NFIB: variants seen among roughly 807,000 people sequenced by gnomAD.
NFIB encodes nuclear factor I B.
NFIB carries 11 observed loss-of-function variants against 61.5 expected under a neutral mutation model. That is an observed-to-expected ratio of 0.18 (90% CI 0.11 to 0.30). NFIB has a LOEUF of 0.30. Among genes scored for constraint, NFIB ranks in the 10% least tolerant of loss-of-function variants. The pLI is 1.00. For missense variants in NFIB, 471 were observed against 608.9 expected, an observed-to-expected ratio of 0.77 and a Z score of 2.38; for synonymous variants, 260 against 216.5, an observed-to-expected ratio of 1.20 and a Z score of -1.76.
At chr9:14,245,141 C>G (rs1204649340) in intron 2 of NFIB, among the ~76,000 whole-genome samples, 1 of 152,120 alleles carries the variant, frequency 6.6e-6, no homozygotes, top group Non-Finnish European at 1.5e-5. Context: ...TTGGGTCATG[C>G]CTACCCAACC....
At chr9:14,355,948 C>T (rs1028387813) in intron 1 of NFIB, among the ~76,000 whole-genome samples, 4 of 150,804 alleles carry the variant, frequency 2.7e-5, no homozygotes, top group South Asian at 2.1e-4. Context: ...CAGAGCGAGA[C>T]TCCGCCTCAA....
At chr9:14,458,961 C>G in the NFIB span, among the ~76,000 whole-genome samples, 13 of 152,088 alleles carry the variant, frequency 8.5e-5, no homozygotes, top group African/African-American at 2.9e-4. Context: ...TTTATAGATT[C>G]AATGCCATCC....
In NFIB at chr9:14,179,636, C is replaced by A. The variant is rs948980707; in HGVS notation, c.616+91G>T. 7 of 1,385,290 alleles carry A rather than the reference C, an allele frequency of 5.1e-6. 1 individual carries two copies. In the African/African-American group the frequency reaches 1.0e-4, roughly 20 times the overall value. The allele number at this position is 1,385,290 out of a possible 1,614,324, so 85.8% of individuals were successfully genotyped here. The stretch of plus-strand genomic sequence containing the variant: ...TACCTGCCTGCCAGAACAAAATAGG[C>A]AGCTGACCAATTATGGGGTGTTTAT... On this transcript the variant is annotated intron_variant, in intron 3 of 10. Transcript: ENST00000380953.
chr9:14,269,781 TAGG>T (rs1440272196), intron 2 of NFIB, among the ~76,000 whole-genome samples: 1 of 152,182 alleles, frequency 6.6e-6, no homozygotes, highest in African/African-American at 2.4e-5. Context: ...ATATACTCTT[TAGG>T]AGATTAGCTT....
intron 2 of NFIB, among the ~76,000 whole-genome samples, chr9:14,228,035 A>G (rs1031614027): frequency 6.6e-6 from 1 of 152,130 alleles, no homozygotes; most frequent in Non-Finnish European, 1.5e-5. Context: ...TAATCAGATG[A>G]CTCATACAAC....
chr9:14,420,320 C>T, the NFIB span, among the ~76,000 whole-genome samples: 4 of 151,742 alleles, frequency 2.6e-5, no homozygotes, highest in Admixed American at 2.6e-4. Context: ...GTGGTGTGCG[C>T]TTGCAATCCC....
At chr9:14,373,641 AGTGTGTGTGT>A (rs56764067) in intron 1 of NFIB, among the ~76,000 whole-genome samples, 4,388 of 143,234 alleles carry the variant, frequency 0.031, 208 homozygotes, top group African/African-American at 0.11. Context: ...TGTCCACATG[AGTGTGTGTGT>A]GTGTGTGTGT....
At chr9:14,384,089 T>C (rs2133010447) in intron 1 of NFIB, among the ~76,000 whole-genome samples, 1 of 152,318 alleles carries the variant, frequency 6.6e-6, no homozygotes, top group South Asian at 2.1e-4. Context: ...GCCACATGCT[T>C]CTTTGCACCT....
chr9:14,234,952 T>G (rs771547970), intron 2 of NFIB, among the ~76,000 whole-genome samples: 1 of 152,170 alleles, frequency 6.6e-6, no homozygotes, highest in Non-Finnish European at 1.5e-5. Context: ...TTTGGTCTTT[T>G]TGAACAAATG....
the NFIB span, among the ~76,000 whole-genome samples, chr9:14,465,435 G>C: frequency 6.6e-6 from 1 of 152,128 alleles, no homozygotes; most frequent in Non-Finnish European, 1.5e-5. Context: ...TAATCAGAAG[G>C]AAATCTGCTC....
At chr9:14,389,393 A>G (rs975088834) in intron 1 of NFIB, among the ~76,000 whole-genome samples, 1 of 152,168 alleles carries the variant, frequency 6.6e-6, no homozygotes, top group East Asian at 1.9e-4. Flanking sequence ...TGAGTCATTC[A>G]TATGCATTGC....
chr9:14,452,953 C>T, the NFIB span, among the ~76,000 whole-genome samples: 1 of 152,316 alleles, frequency 6.6e-6, no homozygotes, highest in Non-Finnish European at 1.5e-5. Context: ...TGTGCTTTCT[C>T]AAAGGGATTG....
chr9:14,275,420 T>G (rs909043229), intron 2 of NFIB, among the ~76,000 whole-genome samples: 3 of 152,090 alleles, frequency 2.0e-5, no homozygotes, highest in African/African-American at 7.2e-5. Context: ...AGAAGAAGAA[T>G]AAAGCGATAT....
At chr9:14,428,368 T>C in the NFIB span, among the ~76,000 whole-genome samples, 2 of 152,182 alleles carry the variant, frequency 1.3e-5, no homozygotes, top group African/African-American at 4.8e-5. Flanking sequence ...CAACTCTCTT[T>C]GAATCTCCTG....
chr9:14,155,029 T>C (rs571538953), intron 4 of NFIB, among the ~76,000 whole-genome samples: 1 of 152,168 alleles, frequency 6.6e-6, no homozygotes, highest in African/African-American at 2.4e-5. Context: ...CTCCGAAGTG[T>C]GATGCATTCT....
At chr9:14,222,804 A>AAAAAAAG (rs1365628409) in intron 2 of NFIB, among the ~76,000 whole-genome samples, 6 of 150,944 alleles carry the variant, frequency 4.0e-5, no homozygotes, top group Non-Finnish European at 7.4e-5. Flanking sequence ...TCAAAAAAAA[A>AAAAAAAG]AAAAAGAAAG....
chr9:14,095,447 C>T (rs186558272), intron 10 of NFIB, among the ~76,000 whole-genome samples: 1 of 152,204 alleles, frequency 6.6e-6, no homozygotes, highest in African/African-American at 2.4e-5. Flanking sequence ...GAGAAGCCCA[C>T]ATGTTGATTT....
intron 2 of NFIB, among the ~76,000 whole-genome samples, chr9:14,216,118 T>C (rs2131773829): frequency 6.6e-6 from 1 of 152,348 alleles, no homozygotes; most frequent in South Asian, 2.1e-4. Flanking sequence ...ACAGACTTCA[T>C]CTTCATAACA....
At chr9:14,329,543 C>T (rs974104029) in intron 1 of NFIB, among the ~76,000 whole-genome samples, 3 of 151,958 alleles carry the variant, frequency 2.0e-5, no homozygotes, top group African/African-American at 4.8e-5. Context: ...AAGACGGAGT[C>T]TCACTCTGTC....
Sources: allele counts gnomAD v4.1 joint callset (sites outside exome capture counted in the v4.1 genomes callset), GRCh38; gene constraint gnomAD v4.1.1; transcripts MANE v1.5; gene names NCBI Gene and HGNC (gene_info 2026-07-23, HGNC 2026-07-21).